LMTK2: variants seen among roughly 807,000 people sequenced by gnomAD.
LMTK2 encodes lemur tail kinase 2, also known as serine/threonine-protein kinase LMTK2.
Under a neutral mutation model 127.5 loss-of-function variants are expected in LMTK2, and 37 were observed. The ratio of observed to expected loss-of-function variants is 0.29; its 90% CI spans 0.22 to 0.38. LMTK2 has a LOEUF of 0.38. Ranked by LOEUF, LMTK2 falls within the 10% of genes least tolerant of loss-of-function variation. The pLI is 1.00. For missense variants in LMTK2, 1,694 were observed against 1,920.3 expected (o/e 0.88, Z 2.20); for synonymous variants, 819 against 810.1 (o/e 1.01, Z -0.19).
In LMTK2 at chr7:98,193,964, G is replaced by A; in HGVS notation, c.3499G>A (p.Ala1167Thr). 1 of 1,614,122 alleles carries A rather than the reference G, an allele frequency of 6.2e-7. No individual in the cohort carries two copies. Among genetic ancestry groups the A allele is most frequent in the Non-Finnish European group, 8.5e-7 (1 of 1,180,050 alleles). The change falls in exon 11 of 14, where the codon GCT (alanine) becomes ACT (threonine). Residue 1167 changes from alanine to threonine, a missense_variant. Physicochemically the swap from Ala to Thr is moderately conservative, Grantham distance 58. Around this residue, in one of 8 missense-constraint regions of LMTK2, gnomAD observed 554 missense variants for 567.7 expected, o/e 0.98. Coordinates refer to ENST00000297293, the MANE Select transcript of LMTK2 (RefSeq NM_014916.4). The surrounding 1 kb of genome is among the most constrained non-coding windows in gnomAD (Gnocchi z 4.1). The stretch of plus-strand genomic sequence containing the variant: ...CCAGCCAGATGAAAGTTGTCTGTCT[G>A]CTTTGCACAACTCCAGTGACCTGGA... ...KSQPDESCLS[A>T]LHNSSDLELR...
At chr7:98,132,919 T>C (rs1796543364) in intron 1 of LMTK2, among the ~76,000 whole-genome samples, 1 of 152,182 alleles carries the variant, frequency 6.6e-6, no homozygotes, top group Non-Finnish European at 1.5e-5. Flanking sequence ...AATTAATAGG[T>C]GGTATTCCTG....
rs1308594599 is a variant in LMTK2, at chr7:98,208,123, T to A, written c.*2631T>A. On this transcript the variant is annotated 3_prime_UTR_variant, in exon 14 of 14. Transcript: ENST00000297293. The stretch of plus-strand genomic sequence containing the variant: ...GACCCTGTCTCAAAAAAAAAAACAA[T>A]TTTTTTCATAACATAATTCCCATTT... 1 of 151,714 alleles carries A rather than the reference T, an allele frequency of 6.6e-6. No homozygotes were observed. The highest frequency in any genetic ancestry group is 2.4e-5 in the African/African-American group (1 of 41,328). The allele number at this position is 151,714 out of a possible 1,614,324, so 9.4% of individuals were successfully genotyped here. A position where few individuals can be genotyped will look rare whatever the true frequency, so the allele number is the denominator to read the frequency against.
At chr7:98,173,950 G>A (rs1797235253) in intron 7 of LMTK2, among the ~76,000 whole-genome samples, 1 of 152,134 alleles carries the variant, frequency 6.6e-6, no homozygotes, top group African/African-American at 2.4e-5. Flanking sequence ...CAGCTATTCG[G>A]GAGGCTGAGG....
chr7:98,201,982 T>G (rs951260379), intron 11 of LMTK2, among the ~76,000 whole-genome samples: 4 of 152,244 alleles, frequency 2.6e-5, no homozygotes, highest in Non-Finnish European at 5.9e-5. Context: ...TCACCAAATT[T>G]AAGAAGTTTT....
intron 6 of LMTK2, among the ~76,000 whole-genome samples, chr7:98,161,812 G>A (rs576848770): frequency 8.5e-5 from 13 of 152,180 alleles, no homozygotes; most frequent in African/African-American, 3.1e-4. Context: ...AAGTCTGCTC[G>A]TCAGAGGCCC....
chr7:98,150,863 T>C (rs1235868160), intron 3 of LMTK2, among the ~76,000 whole-genome samples: 1 of 152,198 alleles, frequency 6.6e-6, no homozygotes, highest in East Asian at 1.9e-4. Context: ...GTGGAAGGGA[T>C]TACTGAGGGT....
At chr7:98,200,444 C>G (rs1452575838) in intron 11 of LMTK2, among the ~76,000 whole-genome samples, 1 of 152,190 alleles carries the variant, frequency 6.6e-6, no homozygotes, top group East Asian at 1.9e-4. Context: ...CAACCCAAAA[C>G]AGATCGAAAG....
At chr7:98,174,488 C>A (rs980599760) in intron 7 of LMTK2, among the ~76,000 whole-genome samples, 1 of 152,218 alleles carries the variant, frequency 6.6e-6, no homozygotes, top group South Asian at 2.1e-4. Context: ...TGTGCCATCC[C>A]ACTTGCCTTG....
chr7:98,167,217 A>G (rs192416014), intron 6 of LMTK2, among the ~76,000 whole-genome samples: 73 of 152,280 alleles, frequency 4.8e-4, no homozygotes, highest in African/African-American at 1.7e-3. Flanking sequence ...TTTTTCTCCC[A>G]TTCATTAAGC....
chr7:98,203,173 A>G (rs995489008), intron 11 of LMTK2, among the ~76,000 whole-genome samples: 9 of 152,242 alleles, frequency 5.9e-5, no homozygotes, highest in Non-Finnish European at 1.3e-4. Flanking sequence ...CTCCGAAGCC[A>G]GAACCAAGGG....
intron 11 of LMTK2, among the ~76,000 whole-genome samples, chr7:98,200,893 TTGACTC>T (rs957870522): frequency 6.6e-6 from 1 of 151,972 alleles, no homozygotes; most frequent in Admixed American, 6.6e-5. Context: ...TCCTGGTTGG[TTGACTC>T]TGAGGATGTG....
At chr7:98,165,110 G>A (rs72494441) in intron 6 of LMTK2, among the ~76,000 whole-genome samples, 19,768 of 152,236 alleles carry the variant, frequency 0.13, 1,351 homozygotes, top group East Asian at 0.19. Flanking sequence ...TGTTTCTCAT[G>A]AAGAGCGGTG....
Position 98,151,426 on chromosome 7 carries a change from C to G in LMTK2, c.421C>G (p.Gln141Glu). 1 of 1,613,858 alleles carries G rather than the reference C, an allele frequency of 6.2e-7. No homozygotes were observed. The highest frequency in any genetic ancestry group is 1.1e-5 in the South Asian group (1 of 91,078). Residue 141 changes from glutamine (Q) to glutamate (E), a missense_variant, in exon 4 of 14, where the codon CAG becomes GAG. Gln to Glu is a conservative substitution (Grantham distance 29). Coordinates refer to ENST00000297293, the MANE Select transcript of LMTK2 (RefSeq NM_014916.4). ...QVARHSLNYI[Q>E]EIGNGWFGKV... ...TGCCCGCCACAGTCTAAACTACATA[C>G]AGGAAATTGGAAATGGCTGGTTTGG... is the stretch of plus-strand genomic sequence containing the variant.
At chr7:98,200,215 A>C (rs1003424286) in intron 11 of LMTK2, among the ~76,000 whole-genome samples, 2 of 152,120 alleles carry the variant, frequency 1.3e-5, no homozygotes, top group African/African-American at 4.8e-5. Flanking sequence ...TGGAAACCCT[A>C]CTGTCACTTA....
Position 98,187,110 on chromosome 7 carries a change from A to G in LMTK2, c.998+112A>G, listed in dbSNP as rs1291035244. ...GTTGTATAAGATGTAGGAACAAAAG[A>G]GTATCTGATGGTGTGAAAAAGACAG... On this transcript the variant is annotated intron_variant, in intron 9 of 13. Coordinates refer to ENST00000297293, the MANE Select transcript of LMTK2 (RefSeq NM_014916.4). 3 of 949,542 alleles carry G rather than the reference A, an allele frequency of 3.2e-6. No individual in the cohort carries two copies. In the African/African-American group the frequency reaches 4.9e-5, roughly 16 times the overall value. The allele number at this position is 949,542 out of a possible 1,614,324, so 58.8% of individuals were successfully genotyped here.
chr7:98,151,808 C>T (rs542467166), intron 4 of LMTK2, among the ~76,000 whole-genome samples: 12 of 152,298 alleles, frequency 7.9e-5, no homozygotes, highest in Admixed American at 5.9e-4. Context: ...TTTCCTGCTG[C>T]GTCCTCCCGT....
intron 3 of LMTK2, among the ~76,000 whole-genome samples, chr7:98,144,235 C>T (rs1796737003): frequency 6.6e-6 from 1 of 151,890 alleles, no homozygotes; most frequent in Non-Finnish European, 1.5e-5. Context: ...TTGAGACCAT[C>T]CTGGCTAATA....
At chr7:98,123,556 G>C (rs1796397618) in intron 1 of LMTK2, among the ~76,000 whole-genome samples, 1 of 152,048 alleles carries the variant, frequency 6.6e-6, no homozygotes, top group Non-Finnish European at 1.5e-5. Context: ...AAGCTTTTAA[G>C]ACTTCCTATG....
intron 11 of LMTK2, among the ~76,000 whole-genome samples, chr7:98,202,477 A>G (rs181720599): frequency 6.6e-6 from 1 of 152,106 alleles, no homozygotes; most frequent in Non-Finnish European, 1.5e-5. Context: ...TTGTATGTGA[A>G]GTAATTTTAG....
Sources: allele counts gnomAD v4.1 joint callset (sites outside exome capture counted in the v4.1 genomes callset), GRCh38; gene constraint gnomAD v4.1.1; regional missense constraint gnomAD v4.1.1; non-coding constraint Gnocchi (gnomAD v3.1); transcripts MANE v1.5; gene names NCBI Gene and HGNC (gene_info 2026-07-23, HGNC 2026-07-21).